The following EHBP1 variants were observed in gnomAD, a reference collection of about 807,000 sequenced individuals.
EHBP1 encodes the protein EH domain binding protein 1.
EHBP1 carries 55 observed loss-of-function variants against 144.0 expected under a neutral mutation model. The observed-to-expected ratio is 0.38, with a 90% CI of 0.31 to 0.48. The LOEUF (loss-of-function observed/expected upper bound fraction) is 0.48, where lower values mean the gene tolerates loss of function less well. EHBP1 is among the 20% of genes least tolerant of loss of function. The pLI is 0.98. For synonymous variants in EHBP1, 469 were observed against 472.7 expected (o/e 0.99, Z 0.10); for missense variants, 1,200 against 1,364.2 (o/e 0.88, Z 1.90).
intron 2 of EHBP1, chr2:62,726,870 T>C (rs1242529645): frequency 6.6e-6 from 1 of 152,154 alleles, no homozygotes; most frequent in Non-Finnish European, 1.5e-5. Flanking sequence ...GAGAACTATT[T>C]TTTTTTTTTC....
At chr2:62,994,630 A>G (rs115212484) in intron 18 of EHBP1, among the ~76,000 whole-genome samples, 8 of 152,280 alleles carry the variant, frequency 5.3e-5, no homozygotes, top group African/African-American at 1.9e-4. Context: ...GTCTGGAAGC[A>G]TAGCTCTCTT....
chr2:62,962,867 T>G (rs949986390), intron 14 of EHBP1, among the ~76,000 whole-genome samples: 1 of 152,218 alleles, frequency 6.6e-6, no homozygotes, highest in African/African-American at 2.4e-5. Flanking sequence ...AGGAAGTAAT[T>G]ACAATGCTAT....
chr2:62,838,001 C>T (rs1202140349), intron 7 of EHBP1, among the ~76,000 whole-genome samples: 2 of 149,082 alleles, frequency 1.3e-5, no homozygotes, highest in African/African-American at 5.0e-5. Flanking sequence ...TAATAGACAT[C>T]TACAGAACTC....
At chr2:62,974,722 A>G (rs941140891) in intron 14 of EHBP1, among the ~76,000 whole-genome samples, 50 of 152,188 alleles carry the variant, frequency 3.3e-4, no homozygotes, top group Non-Finnish European at 4.3e-4. Context: ...CATGTGCTTC[A>G]TATCAAAAAA....
chr2:62,940,023 C>A, intron 10 of EHBP1: 1 of 341,984 alleles, frequency 2.9e-6, no homozygotes, highest in Non-Finnish European at 5.7e-6. Flanking sequence ...TATAAAAATC[C>A]CTGAAGAAGT....
At chr2:62,690,232 A>G (rs1048133713) in intron 1 of EHBP1, among the ~76,000 whole-genome samples, 1 of 152,140 alleles carries the variant, frequency 6.6e-6, no homozygotes, top group Admixed American at 6.5e-5. Flanking sequence ...ATGATGGAGT[A>G]TATGTGTCTT....
At chr2:62,823,039 G>C (rs182008428) in intron 5 of EHBP1, among the ~76,000 whole-genome samples, 1 of 152,224 alleles carries the variant, frequency 6.6e-6, no homozygotes, top group Admixed American at 6.5e-5. Flanking sequence ...CCTGGTAGTA[G>C]TGGTGTGTAT....
intron 1 of EHBP1, among the ~76,000 whole-genome samples, chr2:62,684,094 A>C (rs2033633937): frequency 2.6e-5 from 4 of 152,234 alleles, no homozygotes; most frequent in Middle Eastern, 3.2e-3. Flanking sequence ...ATCTTAGGAA[A>C]CAAAGGACAA....
chr2:62,864,100 G>A (rs566260532), intron 8 of EHBP1, among the ~76,000 whole-genome samples: 77 of 151,774 alleles, frequency 5.1e-4, no homozygotes, highest in Non-Finnish European at 9.4e-4. Context: ...TACCCACCTC[G>A]GCCTCCCAAA....
chr2:62,829,233 A>G (rs1178470564), intron 6 of EHBP1, among the ~76,000 whole-genome samples: 1 of 152,204 alleles, frequency 6.6e-6, no homozygotes, highest in South Asian at 2.1e-4. Context: ...TTCAATAAAT[A>G]AGTGAAACAG....
chr2:62,749,563 T>A (rs1162156123), intron 3 of EHBP1, among the ~76,000 whole-genome samples: 1 of 152,222 alleles, frequency 6.6e-6, no homozygotes, highest in Non-Finnish European at 1.5e-5. Flanking sequence ...ATCGCCACAC[T>A]GACTTCCACA....
intron 5 of EHBP1, among the ~76,000 whole-genome samples, chr2:62,779,452 C>T (rs184431659): frequency 7.2e-5 from 11 of 152,094 alleles, no homozygotes; most frequent in Admixed American, 2.0e-4. Flanking sequence ...ACTGCAGTTT[C>T]GTCAAGGAAG....
intron 10 of EHBP1, among the ~76,000 whole-genome samples, chr2:62,897,568 C>G (rs987417920): frequency 1.3e-5 from 2 of 152,084 alleles, no homozygotes; most frequent in Non-Finnish European, 2.9e-5. Context: ...AATACTGTCT[C>G]TTTAGTTATG....
At chr2:62,849,076 C>G (rs2048497483) in intron 7 of EHBP1, among the ~76,000 whole-genome samples, 1 of 151,802 alleles carries the variant, frequency 6.6e-6, no homozygotes, top group Admixed American at 6.6e-5. Flanking sequence ...CTTTTATAAT[C>G]TCCTCCTTTG....
chr2:62,840,360 A>G (rs540941668), intron 7 of EHBP1, among the ~76,000 whole-genome samples: 2 of 127,642 alleles, frequency 1.6e-5, no homozygotes, highest in African/African-American at 2.9e-5. Context: ...AAAGACTGAA[A>G]CATAAGACCT....
chr2:62,862,483 G>A (rs200542606), intron 8 of EHBP1, among the ~76,000 whole-genome samples: 11 of 151,986 alleles, frequency 7.2e-5, no homozygotes, highest in African/African-American at 2.4e-4. Flanking sequence ...GATGGCGGGC[G>A]CCTGTAATCC....
rs1198360028 is a variant in EHBP1, at chr2:62,845,999, C to G, written c.635-13170C>G. Among the ~76,000 whole-genome samples the G allele has an allele frequency of 5.9e-5, 9 of 152,080 alleles. No homozygotes were observed. In the East Asian group the frequency reaches 1.5e-3, roughly 26 times the overall value. On this transcript the variant is annotated intron_variant, in intron 7 of 22. Transcript: ENST00000431489. ...CCTTATTTTTAAAGGAGTTTGAAACCCTAGGATGAGAGACTGACGTCATCA... is the reference window on the plus strand; with the variant it reads ...CCTTATTTTTAAAGGAGTTTGAAACGCTAGGATGAGAGACTGACGTCATCA...
intron 2 of EHBP1, among the ~76,000 whole-genome samples, chr2:62,733,083 G>T (rs1159911348): frequency 6.6e-6 from 1 of 152,026 alleles, no homozygotes; most frequent in African/African-American, 2.4e-5. Flanking sequence ...CATTATCTCT[G>T]CTCTGAGTTT....
intron 1 of EHBP1, among the ~76,000 whole-genome samples, chr2:62,681,205 C>T (rs565424438): frequency 5.3e-5 from 8 of 150,522 alleles, no homozygotes; most frequent in African/African-American, 9.8e-5. Flanking sequence ...CCCAGCTACT[C>T]GGAGGCAGGA....
Sources: allele counts gnomAD v4.1 joint callset (sites outside exome capture counted in the v4.1 genomes callset), GRCh38; gene constraint gnomAD v4.1.1; transcripts MANE v1.5; gene names NCBI Gene and HGNC (gene_info 2026-07-23, HGNC 2026-07-21).